SNTG2: variants seen among roughly 807,000 people sequenced by gnomAD.
SNTG2 encodes the protein syntrophin gamma 2.
In SNTG2, 74 loss-of-function variants were observed where a neutral mutation model predicts 70.9. That is an observed-to-expected ratio of 1.04 (90% CI 0.86 to 1.27). The LOEUF (loss-of-function observed/expected upper bound fraction) is 1.27. SNTG2 is among the 50% of genes most tolerant of loss of function. SNTG2 has a pLI of 0.00. For missense variants in SNTG2, 717 were observed against 690.7 expected, an observed-to-expected ratio of 1.04 and a Z score of -0.43; for synonymous variants, 278 against 273.8, an observed-to-expected ratio of 1.02 and a Z score of -0.15.
intron 8 of SNTG2, among the ~76,000 whole-genome samples, chr2:1,192,402 C>T (rs111784757): frequency 0.015 from 2,224 of 152,042 alleles, 53 homozygotes; most frequent in African/African-American, 0.049. Flanking sequence ...CAGTGCTGTG[C>T]GATAAGAGAA....
At chr2:1,266,175 C>CAGAGAG (rs61105769) in intron 13 of SNTG2, among the ~76,000 whole-genome samples, 1 of 149,558 alleles carries the variant, frequency 6.7e-6, no homozygotes, top group African/African-American at 2.4e-5. Context: ...GAAATGGAGA[C>CAGAGAG]AGAGAGAGAG....
At chr2:1,319,498 C>T (rs1370911737) in intron 16 of SNTG2, among the ~76,000 whole-genome samples, 2 of 152,214 alleles carry the variant, frequency 1.3e-5, no homozygotes, top group African/African-American at 4.8e-5. Flanking sequence ...CCGCCCAAGG[C>T]CCCTCCGTGG....
intron 4 of SNTG2, among the ~76,000 whole-genome samples, chr2:1,114,233 T>G (rs555592092): frequency 1.3e-5 from 2 of 151,754 alleles, no homozygotes; most frequent in South Asian, 2.1e-4. Context: ...GTGTACTAAG[T>G]GAGGTTTAAC....
At chr2:1,354,986 G>A (rs1343103486) in intron 16 of SNTG2, among the ~76,000 whole-genome samples, 3 of 152,168 alleles carry the variant, frequency 2.0e-5, no homozygotes, top group Non-Finnish European at 2.9e-5. Context: ...CTGTGGCCTC[G>A]ATTTCTTCAT....
intron 9 of SNTG2, among the ~76,000 whole-genome samples, chr2:1,224,220 G>A (rs1269972145): frequency 1.3e-5 from 2 of 152,220 alleles, no homozygotes; most frequent in Non-Finnish European, 2.9e-5. Context: ...AACGTTTGGG[G>A]AGCCACGTTC....
intron 6 of SNTG2, among the ~76,000 whole-genome samples, chr2:1,151,549 T>C (rs1293555336): frequency 1.3e-5 from 2 of 152,194 alleles, no homozygotes; most frequent in African/African-American, 4.8e-5. Context: ...TGAAGCGCGA[T>C]GCCCACGTGC....
intron 1 of SNTG2, among the ~76,000 whole-genome samples, chr2:984,420 T>TTTCACTCATTTC: frequency 6.6e-6 from 1 of 152,260 alleles, no homozygotes. Flanking sequence ...GGCTTTTTCA[T>TTTCACTCATTTC]TTCACTCATT....
intron 1 of SNTG2, among the ~76,000 whole-genome samples, chr2:1,017,742 T>A (rs1204118731): frequency 6.6e-6 from 1 of 152,220 alleles, no homozygotes; most frequent in Admixed American, 6.5e-5. Context: ...TGGTTTCTGA[T>A]CACAGATAAG....
rs1027344639 is a variant in SNTG2 at position 1,302,818 on chromosome 2, A to G, written c.1285-5676A>G. On this transcript the variant is annotated intron_variant, in intron 14 of 16. Transcript: ENST00000308624. Reference sequence around the variant, plus strand: ...AAAAGAGATAACTCATGTAACCTTGATCAAAGGAAAGCAAGAGTAGCCCTA... The same window carrying G: ...AAAAGAGATAACTCATGTAACCTTGGTCAAAGGAAAGCAAGAGTAGCCCTA... 2.6e-5 allele frequency among the ~76,000 whole-genome samples: 4 copies of G among 152,202 alleles called. No homozygotes were observed. The South Asian group carries it at 8.3e-4, about 32-fold the overall frequency.
chr2:954,211 A>G (rs73908615), intron 1 of SNTG2, among the ~76,000 whole-genome samples: 5,965 of 152,206 alleles, frequency 0.039, 386 homozygotes, highest in African/African-American at 0.14. Context: ...GAAATGGAGA[A>G]GGAAGGAGGG....
intron 8 of SNTG2, among the ~76,000 whole-genome samples, chr2:1,201,081 A>G (rs945358880): frequency 6.6e-6 from 1 of 152,048 alleles, no homozygotes; most frequent in African/African-American, 2.4e-5. Context: ...AGTATATCAA[A>G]GGGATACCTG....
chr2:1,303,715 A>G (rs1468624359), intron 14 of SNTG2, among the ~76,000 whole-genome samples: 2 of 152,200 alleles, frequency 1.3e-5, no homozygotes, highest in African/African-American at 4.8e-5. Context: ...TTTAGAAGAA[A>G]GACTCACAAA....
intron 13 of SNTG2, 34 bp from the exon 14 acceptor site, chr2:1,267,331 G>A (rs368725685): frequency 6.0e-5 from 93 of 1,552,368 alleles, no homozygotes; most frequent in Middle Eastern, 1.8e-4. Context: ...ACCTTCCAGC[G>A]CTGCACGTTT....
intron 1 of SNTG2, among the ~76,000 whole-genome samples, chr2:986,107 G>GAT (rs1553304951): frequency 2.8e-5 from 4 of 144,064 alleles, no homozygotes; most frequent in Non-Finnish European, 4.6e-5. Context: ...GAGAGAGAGA[G>GAT]AGATCAGAGG....
At chr2:987,945 C>T (rs967000812) in intron 1 of SNTG2, among the ~76,000 whole-genome samples, 3 of 152,198 alleles carry the variant, frequency 2.0e-5, no homozygotes, top group Admixed American at 2.0e-4. Flanking sequence ...CAGGATGACA[C>T]CCCACGTGGG....
chr2:1,301,540 A>C (rs999329174), intron 14 of SNTG2, among the ~76,000 whole-genome samples: 1 of 152,202 alleles, frequency 6.6e-6, no homozygotes, highest in Non-Finnish European at 1.5e-5. Flanking sequence ...AGATCCTTAC[A>C]ATTAAGCTCA....
chr2:1,257,000 G>A (rs1449797841), intron 12 of SNTG2, among the ~76,000 whole-genome samples: 4 of 151,102 alleles, frequency 2.6e-5, no homozygotes, highest in Non-Finnish European at 5.9e-5. Context: ...TTTTTTGGAC[G>A]ATTTTAGATT....
chr2:1,261,885 C>A (rs1678431328), intron 13 of SNTG2, among the ~76,000 whole-genome samples: 1 of 152,090 alleles, frequency 6.6e-6, no homozygotes, highest in Admixed American at 6.6e-5. Context: ...GGGATGGGGC[C>A]CAGACTCACG....
chr2:1,131,739 C>T (rs982375808), intron 4 of SNTG2, among the ~76,000 whole-genome samples: 15 of 151,890 alleles, frequency 9.9e-5, no homozygotes, highest in Non-Finnish European at 1.8e-4. Context: ...GCAACCTCCA[C>T]CTCCCGGGTT....
Sources: allele counts gnomAD v4.1 joint callset (sites outside exome capture counted in the v4.1 genomes callset), GRCh38; gene constraint gnomAD v4.1.1; transcripts MANE v1.5; gene names NCBI Gene and HGNC (gene_info 2026-07-23, HGNC 2026-07-21).